The following LGALS1 variants were observed in gnomAD, a reference collection of about 807,000 sequenced individuals.
The protein encoded by LGALS1 is galectin-1.
A neutral mutation model predicts 14.4 loss-of-function variants in LGALS1; 14 were observed. That is an observed-to-expected ratio of 0.97 (90% confidence interval 0.64 to 1.52). The LOEUF is 1.52. Ranked by LOEUF, LGALS1 falls within the 40% of genes most tolerant of loss-of-function variation. The pLI is 0.00. For missense variants in LGALS1, 170 were observed against 181.4 expected (o/e 0.94, Z 0.36); for synonymous variants, 71 against 73.4 (o/e 0.97, Z 0.17).
chr22:37,678,945 C>A (rs1921536624), intron 3 of LGALS1, among the ~76,000 whole-genome samples: 1 of 151,930 alleles, frequency 6.6e-6, no homozygotes, highest in Non-Finnish European at 1.5e-5. Flanking sequence ...GCCTGACCAA[C>A]ATGGAGAAAC....
intron 2 of LGALS1, chr22:37,677,358 C>T (rs1921471092): frequency 1.7e-5 from 7 of 409,524 alleles, no homozygotes; most frequent in Non-Finnish European, 3.2e-5. Flanking sequence ...TGGGCGGGAC[C>T]TGTCGCTGGG....
rs564142007 is a variant in LGALS1 at position 37,679,004 on chromosome 22, G to T, written c.261+350G>T. Reference sequence around the variant, plus strand: ...AAATTAGCTAGGCGTGATGGCGCATGCCTGTAATCCCAGCTACTCAGGAGG... The same window carrying T: ...AAATTAGCTAGGCGTGATGGCGCATTCCTGTAATCCCAGCTACTCAGGAGG... On this transcript the variant is annotated intron_variant, in intron 3 of 3. Transcript: ENST00000215909. 3.3e-5 allele frequency among the ~76,000 whole-genome samples: 5 copies of T among 151,782 alleles called. 1 individual carries two copies. The South Asian group carries it at 1.0e-3, about 32-fold the overall frequency.
At chr22:37,677,306 T>C in intron 2 of LGALS1, 2 of 540,926 alleles carry the variant, frequency 3.7e-6, no homozygotes, top group Middle Eastern at 5.0e-4. Context: ...AGCCTCGTCA[T>C]CTGTAATACC....
At chr22:37,678,751 T>G in intron 3 of LGALS1, 97 bp downstream of exon 3, 1 of 1,253,464 alleles carries the variant, frequency 8.0e-7, no homozygotes, top group African/African-American at 1.5e-5. Flanking sequence ...TGCCTGCTCT[T>G]TCCCCTCCCC....
Position 37,675,712 on chromosome 22 carries a change from G to A in LGALS1, c.9+1G>A. ...CCTCCTGGACTCAATCATGGCTTGTGTGAGTGTGGGGACCCCCCCCCAAGG... is the reference window on the plus strand; with the variant it reads ...CCTCCTGGACTCAATCATGGCTTGTATGAGTGTGGGGACCCCCCCCCAAGG... On this transcript the variant is annotated splice_donor_variant, in intron 1 of 3. Transcript: ENST00000215909. LOFTEE classifies it high-confidence loss of function. 1.3e-6 allele frequency: 2 copies of A among 1,542,670 alleles called. No homozygotes were observed.
rs11539849 is a variant in LGALS1 at position 37,678,496 on chromosome 22, C to G, written c.103C>G (p.Leu35Val). The G allele has an allele frequency of 6.2e-7, 1 of 1,613,600 alleles. No individual in the cohort carries two copies. Among genetic ancestry groups the G allele is most frequent in the Non-Finnish European group, 8.5e-7 (1 of 1,180,030 alleles). ...GTTACCCCCCAGCTTCGTGCTGAAC[C>G]TGGGCAAAGACAGCAACAACCTGTG... ...APDAKSFVLN[L>V]GKDSNNLCLH... is the part of the protein sequence containing the mutation. The change falls in exon 3 of 4, where the codon CTG (leucine) becomes GTG (valine). Residue 35 changes from leucine to valine, a missense_variant. Coordinates refer to ENST00000215909, the MANE Select transcript of LGALS1 (RefSeq NM_002305.4).
chr22:37,675,725 C>G lies in LGALS1; in HGVS notation c.9+14C>G. 8.1e-7 allele frequency: 1 copy of G among 1,237,164 alleles called. No homozygotes were observed. Among genetic ancestry groups the G allele is most frequent in the African/African-American group, 1.9e-5 (1 of 53,006 alleles). The allele number at this position is 1,237,164 out of a possible 1,614,324, so 76.6% of individuals were successfully genotyped here. A position where few individuals can be genotyped will look rare whatever the true frequency, so the allele number is the denominator to read the frequency against. On this transcript the variant is annotated intron_variant, in intron 1 of 3. Coordinates refer to ENST00000215909, the MANE Select transcript of LGALS1 (RefSeq NM_002305.4). Reference sequence around the variant, plus strand: ...ATCATGGCTTGTGTGAGTGTGGGGACCCCCCCCCAAGGTCCAGGGGATAGG... The same window carrying G: ...ATCATGGCTTGTGTGAGTGTGGGGAGCCCCCCCCAAGGTCCAGGGGATAGG...
intron 1 of LGALS1, among the ~76,000 whole-genome samples, chr22:37,676,525 CAG>C (rs2039875916): frequency 6.6e-6 from 1 of 152,084 alleles, no homozygotes; most frequent in African/African-American, 2.4e-5. Context: ...GGCCTCTTTG[CAG>C]AGAGGGGCTT....
chr22:37,677,771 TATTA>T (rs958349537), intron 2 of LGALS1, among the ~76,000 whole-genome samples: 1 of 150,342 alleles, frequency 6.7e-6, no homozygotes, highest in African/African-American at 2.5e-5. Flanking sequence ...TTTATTTATT[TATTA>T]TTTTATTATT....
Position 37,679,728 on chromosome 22 carries a change from C to G in LGALS1, c.387C>G (p.Ile129Met). ...NYMAADGDFK[I>M]KCVAFD is the part of the protein sequence containing the mutation. Reference sequence around the variant, plus strand: ...TGGCAGCTGACGGTGACTTCAAGATCAAATGTGTGGCCTTTGACTGAAATC... The same window carrying G: ...TGGCAGCTGACGGTGACTTCAAGATGAAATGTGTGGCCTTTGACTGAAATC... Residue 129 changes from isoleucine to methionine, a missense_variant, in exon 4 of 4, where the codon ATC becomes ATG. Physicochemically the swap from Ile to Met is conservative, Grantham distance 10 (BLOSUM62 1). Coordinates refer to ENST00000215909, the MANE Select transcript of LGALS1 (RefSeq NM_002305.4). 2 of 1,604,078 alleles carry G rather than the reference C, an allele frequency of 1.2e-6. No homozygotes were observed. Among genetic ancestry groups the G allele is most frequent in the Non-Finnish European group, 1.7e-6 (2 of 1,175,140 alleles).
At position 37,678,747 on chromosome 22, in the gene LGALS1, C is replaced by T. The variant is rs569691227; in HGVS notation, c.261+93C>T. On this transcript the variant is annotated intron_variant, in intron 3 of 3. Transcript: ENST00000215909. ...TGACTAGAGACCTTGGCCCTGCCTG[C>T]TCTTTCCCCTCCCCTTCCCTCCCTT... is the stretch of plus-strand genomic sequence containing the variant. 106 of 1,266,914 alleles carry T rather than the reference C, an allele frequency of 8.4e-5. No homozygotes were observed. The Admixed American group carries it at 9.2e-4, about 11-fold the overall frequency. 78.5% of individuals were successfully genotyped at this position (1,266,914 alleles called of 1,614,324 possible). A position where few individuals can be genotyped will look rare whatever the true frequency, so the allele number is the denominator to read the frequency against.
At position 37,678,742 on chromosome 22, in the gene LGALS1, G is replaced by T. The variant is rs1202558694; in HGVS notation, c.261+88G>T. 3 of 1,345,980 alleles carry T rather than the reference G, an allele frequency of 2.2e-6. No individual in the cohort carries two copies. The African/African-American group carries it at 4.4e-5, about 20-fold the overall frequency. The allele number at this position is 1,345,980 out of a possible 1,614,324, so 83.4% of individuals were successfully genotyped here. A position where few individuals can be genotyped will look rare whatever the true frequency, so the allele number is the denominator to read the frequency against. ...GTTAGTGACTAGAGACCTTGGCCCTGCCTGCTCTTTCCCCTCCCCTTCCCT... is the reference window on the plus strand; with the variant it reads ...GTTAGTGACTAGAGACCTTGGCCCTTCCTGCTCTTTCCCCTCCCCTTCCCT... On this transcript the variant is annotated intron_variant, in intron 3 of 3. Coordinates refer to ENST00000215909, the MANE Select transcript of LGALS1 (RefSeq NM_002305.4).
intron 3 of LGALS1, among the ~76,000 whole-genome samples, 188 bp downstream of exon 3, chr22:37,678,842 A>G (rs1345115932): frequency 6.6e-6 from 1 of 152,144 alleles, no homozygotes; most frequent in African/African-American, 2.4e-5. Context: ...GAAGGGGAAA[A>G]AAAAAGGCTG....
chr22:37,675,731 C>CT lies in LGALS1; in HGVS notation c.9+20_9+21insT, dbSNP rs775584971. On this transcript the variant is annotated intron_variant, in intron 1 of 3. Coordinates refer to ENST00000215909, the MANE Select transcript of LGALS1 (RefSeq NM_002305.4). ...GCTTGTGTGAGTGTGGGGACCCCCC[C>CT]CCAAGGTCCAGGGGATAGGGCAGGA... 13 of 1,538,882 alleles carry CT rather than the reference C, an allele frequency of 8.4e-6. No homozygotes were observed.
intron 2 of LGALS1, among the ~76,000 whole-genome samples, chr22:37,678,082 CG>C (rs1366004986): frequency 3.3e-5 from 5 of 152,108 alleles, no homozygotes; most frequent in Non-Finnish European, 7.3e-5. Flanking sequence ...CCACCGTGCC[CG>C]GGAGTATTAT....
rs534992877 is a variant in LGALS1 at position 37,679,600 on chromosome 22, C to G, written c.262-3C>G. ...CCGGCTCACTGCTCTCCTCTACCCC[C>G]AGGTGTGCATCACCTTCGACCAGGC... On this transcript the variant is annotated splice_polypyrimidine_tract_variant and splice_region_variant and intron_variant, in intron 3 of 3. Coordinates refer to ENST00000215909, the MANE Select transcript of LGALS1 (RefSeq NM_002305.4). 8 of 1,602,468 alleles carry G rather than the reference C, an allele frequency of 5.0e-6. No homozygotes were observed. The South Asian group carries it at 7.9e-5, about 16-fold the overall frequency.
rs1224582367 is a variant in LGALS1, at chr22:37,678,667, C to T, written c.261+13C>T. 1 of 1,414,758 alleles carries T rather than the reference C, an allele frequency of 7.1e-7. No individual in the cohort carries two copies. 87.6% of individuals were successfully genotyped at this position (1,414,758 alleles called of 1,614,324 possible). On this transcript the variant is annotated intron_variant, in intron 3 of 3. Transcript: ENST00000215909. ...AAGTGTTGCAGAGGTGGGCTGCAGA[C>T]CGGAACCGGGGACCAGGGACAGGGG...
At chr22:37,678,703 T>TG in intron 3 of LGALS1, 49 bp downstream of exon 3, 13 of 107,388 alleles carry the variant, frequency 1.2e-4, no homozygotes, top group South Asian at 2.8e-4. Context: ...CTGGGTGGGC[T>TG]GGGGCGGGGC....
chr22:37,678,284 AG>A (rs2145789515), intron 2 of LGALS1, 198 bp from the exon 3 acceptor site: 2 of 711,854 alleles, frequency 2.8e-6, no homozygotes, highest in Non-Finnish European at 5.2e-6. Context: ...CCTCCTGTGC[AG>A]CCCCCATTGT....
Sources: allele counts gnomAD v4.1 joint callset (sites outside exome capture counted in the v4.1 genomes callset), GRCh38; gene constraint gnomAD v4.1.1; transcripts MANE v1.5; gene names NCBI Gene and HGNC (gene_info 2026-07-23, HGNC 2026-07-21).